Variants in TCF12 observed in about 807,000 individuals in gnomAD.
TCF12 encodes DNA-binding protein HTF4.
In TCF12, 45 loss-of-function variants were observed where a neutral mutation model predicts 86.0. That is an observed-to-expected ratio of 0.52 (90% CI 0.41 to 0.67). The LOEUF is 0.67. Among genes scored for constraint, TCF12 ranks in the 30% least tolerant of loss-of-function variants. TCF12 has a pLI of 0.00. For missense variants in TCF12, 881 were observed against 859.9 expected (o/e 1.02, Z -0.31); for synonymous variants, 330 against 299.6 (o/e 1.10, Z -1.05).
intron 3 of TCF12, among the ~76,000 whole-genome samples, chr15:57,045,136 A>T (rs1000454243): frequency 3.6e-4 from 55 of 152,232 alleles, no homozygotes; most frequent in African/African-American, 1.3e-3. Flanking sequence ...GATGGTGATT[A>T]TAGACACTTA....
intron 5 of TCF12, among the ~76,000 whole-genome samples, chr15:57,136,031 A>T (rs966931934): frequency 9.9e-5 from 15 of 151,778 alleles, no homozygotes; most frequent in African/African-American, 3.4e-4. Context: ...TTTATCTTCC[A>T]CTCTGTGTTT....
intron 6 of TCF12, among the ~76,000 whole-genome samples, chr15:57,182,525 A>T (rs1397103430): frequency 6.6e-6 from 1 of 152,162 alleles, no homozygotes; most frequent in African/African-American, 2.4e-5. Flanking sequence ...GTATTCTTAA[A>T]AAGAAACAAT....
intron 5 of TCF12, among the ~76,000 whole-genome samples, chr15:57,113,778 TA>T (rs34582402): frequency 1.3e-4 from 12 of 95,786 alleles, no homozygotes; most frequent in African/African-American, 2.1e-4. Context: ...CGTCTCTACT[TA>T]AAAAAAAAAA....
intron 4 of TCF12, among the ~76,000 whole-genome samples, chr15:57,082,903 T>C (rs760145925): frequency 6.6e-6 from 1 of 152,072 alleles, no homozygotes; most frequent in Non-Finnish European, 1.5e-5. Flanking sequence ...TAGGGAGAAA[T>C]TGGAGGCAAG....
intron 8 of TCF12, among the ~76,000 whole-genome samples, chr15:57,226,893 A>G (rs1317359535): frequency 1.3e-5 from 2 of 149,418 alleles, no homozygotes; most frequent in Non-Finnish European, 3.0e-5. Flanking sequence ...CCACATTTCA[A>G]GTGTTCAGTA....
intron 3 of TCF12, among the ~76,000 whole-genome samples, chr15:57,022,229 C>A (rs539515286): frequency 6.6e-6 from 1 of 152,034 alleles, no homozygotes; most frequent in African/African-American, 2.4e-5. Flanking sequence ...CTCCCCACCC[C>A]CCGATAGGTC....
intron 5 of TCF12, among the ~76,000 whole-genome samples, chr15:57,095,897 A>G (rs1178211566): frequency 6.6e-6 from 1 of 152,198 alleles, no homozygotes; most frequent in Non-Finnish European, 1.5e-5. Context: ...AACTAGAATT[A>G]TAACTGCTAT....
intron 13 of TCF12, among the ~76,000 whole-genome samples, chr15:57,250,585 T>G (rs1366405696): frequency 1.3e-5 from 2 of 151,918 alleles, no homozygotes; most frequent in Admixed American, 1.3e-4. Flanking sequence ...AAAAATTAGC[T>G]TGGCGTGGTG....
At chr15:57,191,470 A>G (rs781253956) in intron 6 of TCF12, among the ~76,000 whole-genome samples, 1 of 152,186 alleles carries the variant, frequency 6.6e-6, no homozygotes, top group Non-Finnish European at 1.5e-5. Flanking sequence ...TCTAAAAAGA[A>G]AAAAGGAAAG....
intron 3 of TCF12, among the ~76,000 whole-genome samples, chr15:56,968,364 GTTT>G (rs71848547): frequency 7.8e-6 from 1 of 128,686 alleles, no homozygotes; most frequent in Admixed American, 7.9e-5. Flanking sequence ...ACCTTTTTTT[GTTT>G]TTTTTTTTTT....
At chr15:57,178,428 C>T (rs1418391571) in intron 6 of TCF12, among the ~76,000 whole-genome samples, 1 of 152,054 alleles carries the variant, frequency 6.6e-6, no homozygotes, top group African/African-American at 2.4e-5. Context: ...TACAAAAATA[C>T]AAGGAATTGA....
chr15:57,111,673 C>T (rs1230812545), intron 5 of TCF12, among the ~76,000 whole-genome samples: 3 of 150,722 alleles, frequency 2.0e-5, no homozygotes, highest in South Asian at 4.2e-4. Flanking sequence ...CTCACTGCAA[C>T]CTCTGCCTAC....
intron 14 of TCF12, 53 bp downstream of exon 14, chr15:57,251,476 T>G: frequency 6.3e-7 from 1 of 1,576,316 alleles, no homozygotes; most frequent in East Asian, 2.3e-5. Context: ...TTTGTTTGTT[T>G]TTGGTCAATC....
In TCF12 at chr15:57,166,407, A is replaced by G. The variant is rs776048136; in HGVS notation, c.331A>G (p.Thr111Ala). 1.8e-5 allele frequency: 29 copies of G among 1,611,702 alleles called. No homozygotes were observed. Among genetic ancestry groups the G allele is most frequent in the Non-Finnish European group, 2.3e-5 (27 of 1,179,164 alleles). Residue 111 changes from threonine (T) to alanine (A), a missense_variant, in exon 6 of 21, where the codon ACA becomes GCA. This residue lies in a region of TCF12 where 766 missense variants were observed against 718.9 expected (regional missense o/e 1.07). Coordinates refer to ENST00000333725, the MANE Select transcript of TCF12 (RefSeq NM_207037.2). ...TTAATTTCTTTGTTTTATAGGAAAAACATCAGAGAGAGGCTCATTTTCCCT... is the reference window on the plus strand; with the variant it reads ...TTAATTTCTTTGTTTTATAGGAAAAGCATCAGAGAGAGGCTCATTTTCCCT... ...PFMNSNLMGK[T>A]SERGSFSLYS...
chr15:57,137,329 C>T (rs529709478), intron 5 of TCF12, among the ~76,000 whole-genome samples: 1 of 152,154 alleles, frequency 6.6e-6, no homozygotes, highest in Non-Finnish European at 1.5e-5. Context: ...ATAAATAAAA[C>T]ACATTTTTCC....
chr15:57,265,267 G>A (rs1159911526), intron 18 of TCF12, among the ~76,000 whole-genome samples: 1 of 151,992 alleles, frequency 6.6e-6, no homozygotes, highest in Non-Finnish European at 1.5e-5. Flanking sequence ...TGTGGAGTTT[G>A]CACATTCTTC....
intron 3 of TCF12, among the ~76,000 whole-genome samples, chr15:56,952,580 T>C (rs537111552): frequency 1.9e-4 from 29 of 152,288 alleles, no homozygotes; most frequent in East Asian, 9.6e-4. Context: ...TTTGTAGTTT[T>C]CACTGTATAG....
At chr15:57,200,651 T>A (rs1316372001) in intron 8 of TCF12, among the ~76,000 whole-genome samples, 2 of 152,170 alleles carry the variant, frequency 1.3e-5, no homozygotes, top group African/African-American at 4.8e-5. Flanking sequence ...ATACAAAAAA[T>A]AATAGGCAGG....
At chr15:56,969,361 G>GAT (rs1425332103) in intron 3 of TCF12, among the ~76,000 whole-genome samples, 4 of 152,068 alleles carry the variant, frequency 2.6e-5, no homozygotes, top group Non-Finnish European at 5.9e-5. Flanking sequence ...TTAAAATTTG[G>GAT]ATATATATCG....
Sources: allele counts gnomAD v4.1 joint callset (sites outside exome capture counted in the v4.1 genomes callset), GRCh38; gene constraint gnomAD v4.1.1; regional missense constraint gnomAD v4.1.1; transcripts MANE v1.5; gene names NCBI Gene and HGNC (gene_info 2026-07-23, HGNC 2026-07-21).